EVPLL: variants seen among roughly 807,000 people sequenced by gnomAD.
EVPLL encodes the protein envoplakin like.
A neutral mutation model predicts 46.2 loss-of-function variants in EVPLL; 39 were observed. The observed-to-expected ratio is 0.84, with a 90% CI of 0.65 to 1.10. The LOEUF is 1.10. EVPLL is among the 50% of genes least tolerant of loss of function. EVPLL has a pLI of 0.00. For missense variants in EVPLL, 385 were observed against 412.6 expected, an observed-to-expected ratio of 0.93 and a Z score of 0.58; for synonymous variants, 156 against 165.8, an observed-to-expected ratio of 0.94 and a Z score of 0.46.
chr17:18,381,079 T>C lies in EVPLL; in HGVS notation c.63+79T>C, dbSNP rs1987552486. 3 of 1,473,252 alleles carry C rather than the reference T, an allele frequency of 2.0e-6. No individual in the cohort carries two copies. The highest frequency in any genetic ancestry group is 1.9e-6 in the Non-Finnish European group (2 of 1,078,012). 91.3% of individuals were successfully genotyped at this position (1,473,252 alleles called of 1,614,324 possible). The stretch of plus-strand genomic sequence containing the variant: ...GCCCATCATCAGGCCTGGCACTCCC[T>C]GAGTGCCCCCTGGTGATGGTGAAGA... On this transcript the variant is annotated intron_variant, in intron 2 of 10. Coordinates refer to ENST00000399134, the MANE Select transcript of EVPLL (RefSeq NM_001145127.2). This position sits in a 1 kb window ranked among gnomAD's most constrained non-coding sequence, Gnocchi z 4.2.
chr17:18,383,764 G>A (rs1987682234), intron 9 of EVPLL, 177 bp downstream of exon 9: 1 of 613,596 alleles, frequency 1.6e-6, no homozygotes, highest in African/African-American at 1.8e-5. Flanking sequence ...CTTGAGGTCA[G>A]GAGTTCGAGA....
At position 18,381,589 on chromosome 17, in the gene EVPLL, C is replaced by A; in HGVS notation, c.219-14C>A. The A allele has an allele frequency of 6.2e-7, 1 of 1,614,050 alleles. No individual in the cohort carries two copies. On this transcript the variant is annotated splice_polypyrimidine_tract_variant and intron_variant, in intron 3 of 10. Transcript: ENST00000399134. The surrounding 1 kb of genome is among the most constrained non-coding windows in gnomAD (Gnocchi z 4.2). ...CCAGGCCCAGCCCTGACCTGCTGGC[C>A]ACCTTCTTGACAGCATCGAGCAGCT...
intron 1 of EVPLL, chr17:18,380,581 G>A (rs1987528830): frequency 4.1e-6 from 1 of 241,098 alleles, no homozygotes. Context: ...CTCACAGGGG[G>A]GAAGTGGCAG....
At chr17:18,385,738 C>T (rs769525716) in intron 9 of EVPLL, among the ~76,000 whole-genome samples, 21 of 152,156 alleles carry the variant, frequency 1.4e-4, no homozygotes, top group Non-Finnish European at 5.9e-5. Context: ...TTTTCATTTG[C>T]ATCCATTTTT....
At chr17:18,379,358 C>G (rs1484694746) in intron 1 of EVPLL, among the ~76,000 whole-genome samples, 5 of 152,236 alleles carry the variant, frequency 3.3e-5, no homozygotes, top group Admixed American at 3.3e-4. Context: ...CAACAGACAC[C>G]GAGTCTGGGC....
At chr17:18,387,102 T>C (rs1291803904) in intron 9 of EVPLL, among the ~76,000 whole-genome samples, 2 of 150,084 alleles carry the variant, frequency 1.3e-5, no homozygotes, top group Admixed American at 6.6e-5. Flanking sequence ...GCTTTCACCA[T>C]GTTAGCCAGG....
intron 7 of EVPLL, 37 bp downstream of exon 7, chr17:18,383,222 C>G (rs1987652267): frequency 6.5e-7 from 1 of 1,548,250 alleles, no homozygotes. Flanking sequence ...CGGGGGCGAC[C>G]AGGGCCATCC....
intron 1 of EVPLL, among the ~76,000 whole-genome samples, chr17:18,379,132 AG>A (rs1038701103): frequency 2.0e-5 from 3 of 152,198 alleles, no homozygotes; most frequent in Non-Finnish European, 4.4e-5. Context: ...GGTGTGGTGC[AG>A]GGGGCACTGG....
intron 1 of EVPLL, among the ~76,000 whole-genome samples, chr17:18,379,506 G>A (rs1322706912): frequency 2.0e-5 from 3 of 152,170 alleles, no homozygotes; most frequent in Admixed American, 6.5e-5. Flanking sequence ...CCCAGGAGGC[G>A]GGACCTGAGC....
intron 9 of EVPLL, chr17:18,383,833 G>C: frequency 2.1e-6 from 1 of 468,908 alleles, no homozygotes. Flanking sequence ...ATTAGCTAGA[G>C]GTGGTGGCAC....
At position 18,378,003 on chromosome 17, in the gene EVPLL, G is replaced by A. The variant is rs1598092573; in HGVS notation, c.-37+20G>A. ...CAGCTGGTGAGTGGGACTAGGGGAT[G>A]GGGAGCCAGGGAGCTAGGGTGGGGG... On this transcript the variant is annotated intron_variant, in intron 1 of 10. Transcript: ENST00000399134. The A allele has an allele frequency of 1.5e-5, 11 of 733,900 alleles. No individual in the cohort carries two copies. In the East Asian group the frequency reaches 3.2e-4, roughly 22 times the overall value. 45.5% of individuals were successfully genotyped at this position (733,900 alleles called of 1,614,324 possible). A position where few individuals can be genotyped will look rare whatever the true frequency, so the allele number is the denominator to read the frequency against.
At chr17:18,378,459 C>G (rs936185608) in intron 1 of EVPLL, among the ~76,000 whole-genome samples, 7 of 152,102 alleles carry the variant, frequency 4.6e-5, no homozygotes, top group African/African-American at 1.7e-4. Context: ...TGTGCTGCCT[C>G]CTGCCTAAGC....
At chr17:18,388,103 C>G in intron 9 of EVPLL, 116 bp from the exon 10 acceptor site, 1 of 508,524 alleles carries the variant, frequency 2.0e-6, no homozygotes, top group Non-Finnish European at 3.5e-6. Flanking sequence ...GTCTACAAGG[C>G]ACACCTTTAA....
intron 9 of EVPLL, among the ~76,000 whole-genome samples, chr17:18,385,741 C>T (rs1987745199): frequency 6.6e-6 from 1 of 152,128 alleles, no homozygotes; most frequent in Non-Finnish European, 1.5e-5. Context: ...TCATTTGCAT[C>T]CATTTTTATT....
chr17:18,387,704 T>G (rs1450148052), intron 9 of EVPLL, among the ~76,000 whole-genome samples: 1 of 152,132 alleles, frequency 6.6e-6, no homozygotes, highest in Non-Finnish European at 1.5e-5. Flanking sequence ...ACCTTCGTAT[T>G]TATGCCTCTT....
chr17:18,386,600 A>G (rs1193760022), intron 9 of EVPLL: 3 of 152,140 alleles, frequency 2.0e-5, no homozygotes, highest in Admixed American at 6.5e-5. Flanking sequence ...CTGCCTTCTT[A>G]TAACGGTGGA....
At chr17:18,384,187 C>T (rs745639599) in intron 9 of EVPLL, among the ~76,000 whole-genome samples, 7 of 152,042 alleles carry the variant, frequency 4.6e-5, no homozygotes, top group Non-Finnish European at 5.9e-5. Flanking sequence ...TTCATGGGGG[C>T]CAGGTGTGGT....
chr17:18,382,609 G>C lies in EVPLL; in HGVS notation c.443G>C (p.Arg148Thr), dbSNP rs1987618412. 3 of 1,551,920 alleles carry C rather than the reference G, an allele frequency of 1.9e-6. No individual in the cohort carries two copies. Among genetic ancestry groups the C allele is most frequent in the African/African-American group, 1.4e-5 (1 of 73,076 alleles). The change falls in exon 5 of 11, where the codon AGG becomes ACG. Residue 148 changes from arginine (R) to threonine (T), a missense_variant. By Grantham distance (71) the Arg-to-Thr change is moderately conservative. Coordinates refer to ENST00000399134, the MANE Select transcript of EVPLL (RefSeq NM_001145127.2). Reference protein sequence around the residue: ...QHRAEGDQRPRRAAAEPGGAG... With the variant: ...QHRAEGDQRPTRAAAEPGGAG... ...CGTGCAGAAGGAGATCAACGACCAA[G>C]GAGAGCAGCTGCGGAGCCTGGTGGG...
intron 1 of EVPLL, among the ~76,000 whole-genome samples, chr17:18,378,752 T>C (rs1054656545): frequency 6.6e-6 from 1 of 151,008 alleles, no homozygotes; most frequent in Non-Finnish European, 1.5e-5. Flanking sequence ...ACTGCGCTCC[T>C]GCCTGGGTGA....
Sources: allele counts gnomAD v4.1 joint callset (sites outside exome capture counted in the v4.1 genomes callset), GRCh38; gene constraint gnomAD v4.1.1; non-coding constraint Gnocchi (gnomAD v3.1); transcripts MANE v1.5; gene names NCBI Gene and HGNC (gene_info 2026-07-23, HGNC 2026-07-21).